Variants in SLC2A6 observed in about 807,000 individuals in gnomAD.
SLC2A6 encodes the protein solute carrier family 2, facilitated glucose transporter member 6.
SLC2A6 carries 39 observed loss-of-function variants against 47.8 expected under a neutral mutation model. That is an observed-to-expected ratio of 0.82 (90% CI 0.63 to 1.07). The LOEUF (loss-of-function observed/expected upper bound fraction) is 1.07, where lower values mean the gene tolerates loss of function less well. SLC2A6 is among the 50% of genes least tolerant of loss of function. The pLI, the probability that SLC2A6 is intolerant of heterozygous loss-of-function variation, is 0.00. For missense variants in SLC2A6, 650 were observed against 707.6 expected (o/e 0.92, Z 0.92); for synonymous variants, 346 against 324.1 (o/e 1.07, Z -0.73).
chr9:133,478,859 C>T, intron 1 of SLC2A6, 109 bp downstream of exon 1: 1 of 935,206 alleles, frequency 1.1e-6, no homozygotes, highest in Non-Finnish European at 1.6e-6. Flanking sequence ...GATGGCCCCT[C>T]GGTGGCGACT....
chr9:133,475,031 T>C lies in SLC2A6; in HGVS notation c.857A>G (p.Gln286Arg). Residue 286 changes from glutamine to arginine, a missense_variant, in exon 6 of 10, where the codon CAG becomes CGG. Physicochemically the swap from Gln to Arg is conservative, Grantham distance 43 (BLOSUM62 1). Transcript: ENST00000371899. ...ITVALLMRLL[Q>R]QLTGITPILV... ...GATGGGCGTGATGCCCGTCAGCTGCTGCAGGAGGCGCATCAGCAAGGCCAC... is the reference window on the plus strand; with the variant it reads ...GATGGGCGTGATGCCCGTCAGCTGCCGCAGGAGGCGCATCAGCAAGGCCAC... 6.3e-7 allele frequency: 1 copy of C among 1,598,488 alleles called. No homozygotes were observed. Among genetic ancestry groups the C allele is most frequent in the Non-Finnish European group, 8.5e-7 (1 of 1,174,118 alleles).
chr9:133,478,945 G>A (rs781940511), intron 1 of SLC2A6, 23 bp downstream of exon 1: 6 of 1,538,004 alleles, frequency 3.9e-6, no homozygotes, highest in South Asian at 3.6e-5. Context: ...CCCACCCGCA[G>A]CCCCCAACCT....
intron 6 of SLC2A6, 50 bp from the exon 7 acceptor site, chr9:133,474,138 C>A: frequency 6.9e-7 from 1 of 1,443,014 alleles, no homozygotes; most frequent in South Asian, 1.3e-5. Flanking sequence ...CTGTTCCCAT[C>A]CCCCTCCAGG....
chr9:133,474,881 A>G (rs1843880297), intron 6 of SLC2A6, 80 bp downstream of exon 6: 1 of 1,386,026 alleles, frequency 7.2e-7, no homozygotes. Flanking sequence ...GGGTAAGTGC[A>G]GGAGCAGGCC....
At chr9:133,477,685 G>A (rs919302270) in intron 2 of SLC2A6, among the ~76,000 whole-genome samples, 1 of 152,216 alleles carries the variant, frequency 6.6e-6, no homozygotes, top group Non-Finnish European at 1.5e-5. Flanking sequence ...CTTATGGGGA[G>A]AGCGCAAGTT....
intron 4 of SLC2A6, among the ~76,000 whole-genome samples, chr9:133,475,937 A>T (rs1318516667): frequency 6.6e-6 from 1 of 152,172 alleles, no homozygotes; most frequent in Non-Finnish European, 1.5e-5. Context: ...TTCTATCTGG[A>T]CTTCCCATCT....
chr9:133,475,181 C>T, intron 5 of SLC2A6, 68 bp from the exon 6 acceptor site: 1 of 1,450,822 alleles, frequency 6.9e-7, no homozygotes, highest in Non-Finnish European at 9.1e-7. Flanking sequence ...CTGCCCTGGA[C>T]CGCCAGGGGT....
Position 133,476,355 on chromosome 9 carries a change from G to A in SLC2A6, c.463-19C>T, listed in dbSNP as rs1400946477. On this transcript the variant is annotated intron_variant, in intron 3 of 9. Coordinates refer to ENST00000371899, the MANE Select transcript of SLC2A6 (RefSeq NM_017585.4). The stretch of plus-strand genomic sequence containing the variant: ...CGTACACCTGCAAGACACAGCCGCC[G>A]CACCAGGTTTTGCTGAAAATACTGG... The A allele has an allele frequency of 3.1e-6, 5 of 1,605,978 alleles. No homozygotes were observed. The highest frequency in any genetic ancestry group is 2.7e-5 in the African/African-American group (2 of 74,788).
Position 133,478,970 on chromosome 9 carries a change from G to T in SLC2A6, c.90C>A (p.Val30=). 6.3e-7 allele frequency: 1 copy of T among 1,579,876 alleles called. No homozygotes were observed. ...PPPSPGDRAR[V]GTLQNKRVFL... ...GCCCCCAACCTAGCGACTCTCACCC[G>T]ACCCGCGCCCTGTCCCCTGGCGACG... Residue 30 remains valine, a splice_region_variant and synonymous_variant, in exon 1 of 10, where the codon GTC becomes GTA. Transcript: ENST00000371899.
chr9:133,479,049 G>C lies in SLC2A6; in HGVS notation c.11C>G (p.Pro4Arg), dbSNP rs782496735. 17 of 1,597,560 alleles carry C rather than the reference G, an allele frequency of 1.1e-5. No homozygotes were observed. Among genetic ancestry groups the C allele is most frequent in the Non-Finnish European group, 1.4e-5 (16 of 1,175,508 alleles). Reference protein sequence around the residue: MQEPLLGAEGPDYD... With the variant: MQERLLGAEGPDYD... The stretch of plus-strand genomic sequence containing the variant: ...GTCCGGGCCCTCGGCTCCCAGCAGC[G>C]GCTCCTGCATGGCCGGGTCTCTCTC... The change falls in exon 1 of 10, where the codon CCG (proline) becomes CGG (arginine). Residue 4 changes from proline (P) to arginine (R), a missense_variant. Pro to Arg is a moderately radical substitution (Grantham distance 103). Coordinates refer to ENST00000371899, the MANE Select transcript of SLC2A6 (RefSeq NM_017585.4).
intron 2 of SLC2A6, among the ~76,000 whole-genome samples, chr9:133,477,488 C>T (rs1329423437): frequency 1.3e-5 from 2 of 152,226 alleles, no homozygotes; most frequent in Non-Finnish European, 2.9e-5. Context: ...TCTGTCCAGC[C>T]TGATGTTTAA....
Position 133,474,078 on chromosome 9 carries a change from T to C in SLC2A6, c.938A>G (p.Asp313Gly), listed in dbSNP as rs1026956795. ...CACGGCCCCAACGATGGCTGCGTCG[T>C]CCTTGGGGGGCTATCGGGGGGAGAC... ...DSTAVLLPPK[D>G]DAAIVGAVRL... The change falls in exon 7 of 10, where the codon GAC (aspartate) becomes GGC (glycine). Residue 313 changes from aspartate (D) to glycine (G), a missense_variant. By Grantham distance (94) the Asp-to-Gly change is moderately conservative (BLOSUM62 -1). Transcript: ENST00000371899. The C allele has an allele frequency of 5.6e-6, 9 of 1,604,580 alleles. No homozygotes were observed. The highest frequency in any genetic ancestry group is 5.9e-6 in the Non-Finnish European group (7 of 1,176,924).
chr9:133,475,286 C>T (rs1390677409), intron 5 of SLC2A6, 114 bp downstream of exon 5: 2 of 1,370,924 alleles, frequency 1.5e-6, no homozygotes, highest in Non-Finnish European at 1.9e-6. Flanking sequence ...AACCCAGGCA[C>T]TTGGATTAGT....
chr9:133,477,437 T>A (rs587609052), intron 2 of SLC2A6, among the ~76,000 whole-genome samples, 196 bp from the exon 3 acceptor site: 4 of 152,398 alleles, frequency 2.6e-5, no homozygotes, highest in African/African-American at 9.6e-5. Context: ...CGGGGAATTC[T>A]GCTCTAAGGA....
chr9:133,472,893 C>T lies in SLC2A6; in HGVS notation c.1368+212G>A, dbSNP rs75798010. Among the ~76,000 whole-genome samples the T allele has an allele frequency of 5.0e-3, 759 of 152,276 alleles. 14 individuals carry two copies. Among genetic ancestry groups the T allele is most frequent in the African/African-American group, 0.016 (669 of 41,552 alleles). On this transcript the variant is annotated intron_variant, in intron 9 of 9. Transcript: ENST00000371899. ...CCTGACTTCCCAGAACAGTTGCCTA[C>T]GCCCGTTCCTGTTTCTTATAATGAA...
rs1554803560 is a variant in SLC2A6 at position 133,477,077 on chromosome 9, C to T, written c.420G>A (p.Thr140=). 17 of 1,545,926 alleles carry T rather than the reference C, an allele frequency of 1.1e-5. No individual in the cohort carries two copies. The South Asian group carries it at 1.2e-4, about 11-fold the overall frequency. The change falls in exon 3 of 10, where the codon ACG becomes ACA. Residue 140 remains threonine (T), a synonymous_variant. Coordinates refer to ENST00000371899, the MANE Select transcript of SLC2A6 (RefSeq NM_017585.4). ...HGLWMLLLGR[T]LTGFAGGLTA... ...TGAGCCCCCCGGCGAAGCCCGTCAGCGTCCTTCCGAGCAGCAGCATCCAGA... is the reference window on the plus strand; with the variant it reads ...TGAGCCCCCCGGCGAAGCCCGTCAGTGTCCTTCCGAGCAGCAGCATCCAGA...
chr9:133,476,515 G>C (rs781831013), intron 3 of SLC2A6, 179 bp from the exon 4 acceptor site: 2 of 614,666 alleles, frequency 3.3e-6, no homozygotes, highest in Admixed American at 2.6e-5. Context: ...ATCTCTCTCT[G>C]TCCTCAGTTT....
At chr9:133,478,817 A>G in intron 1 of SLC2A6, 151 bp downstream of exon 1, 1 of 653,340 alleles carries the variant, frequency 1.5e-6, no homozygotes, top group East Asian at 3.0e-5. Flanking sequence ...TTCCTTAAAT[A>G]GGAGTAGCGT....
In SLC2A6 at chr9:133,471,957, G is replaced by A; in HGVS notation, c.*64C>T. ...GCTGCCTCTTGGTCCCAGGGTGCAG[G>A]TTTGTAGCCAACACAGAGGCCCAGC... On this transcript the variant is annotated 3_prime_UTR_variant, in exon 10 of 10. Coordinates refer to ENST00000371899, the MANE Select transcript of SLC2A6 (RefSeq NM_017585.4). 6.4e-7 allele frequency: 1 copy of A among 1,563,532 alleles called. No individual in the cohort carries two copies. Among genetic ancestry groups the A allele is most frequent in the East Asian group, 2.3e-5 (1 of 44,296 alleles).
Sources: gnomAD v4.1 joint callset for allele counts (sites outside exome capture counted in the v4.1 genomes callset) on GRCh38, gnomAD v4.1.1 for gene constraint, MANE v1.5 for transcripts, NCBI Gene and HGNC (gene_info 2026-07-23, HGNC 2026-07-21) for gene names.